DNAH14: variants seen among roughly 807,000 people sequenced by gnomAD.
DNAH14 encodes the protein dynein axonemal heavy chain 14, also known as axonemal beta dynein heavy chain 14.
Under a neutral mutation model 520.9 loss-of-function variants are expected in DNAH14, and 478 were observed. The ratio of observed to expected loss-of-function variants is 0.92; its 90% CI spans 0.85 to 0.99. DNAH14 has a LOEUF of 0.99. Ranked by LOEUF, DNAH14 falls within the 50% of genes least tolerant of loss-of-function variation. The pLI is 0.00. For synonymous variants in DNAH14, 1,581 were observed against 1,757.2 expected, an observed-to-expected ratio of 0.90 and a Z score of 2.51; for missense variants, 4,831 against 5,234.5, an observed-to-expected ratio of 0.92 and a Z score of 2.38.
chr1:225,294,916 G>T (rs2093974738), intron 55 of DNAH14, among the ~76,000 whole-genome samples: 1 of 151,754 alleles, frequency 6.6e-6, no homozygotes, highest in African/African-American at 2.4e-5. Flanking sequence ...GTTTTTGGGA[G>T]AGTTTTTATT....
chr1:225,042,685 ACATG>A (rs2067591469), intron 12 of DNAH14, 146 bp from the exon 13 acceptor site: 1 of 809,838 alleles, frequency 1.2e-6, no homozygotes, highest in Non-Finnish European at 1.9e-6. Context: ...ACTTATTTTA[ACATG>A]CAAGTGTCAG....
At chr1:225,138,178 T>G (rs2079124650) in intron 27 of DNAH14, among the ~76,000 whole-genome samples, 1 of 151,936 alleles carries the variant, frequency 6.6e-6, no homozygotes, top group Non-Finnish European at 1.5e-5. Context: ...AGAAGTAGTA[T>G]GTCAGGGCCC....
In DNAH14 at chr1:225,331,539, T is replaced by C. The variant is rs1381726479; in HGVS notation, c.9826T>C (p.Cys3276Arg). The change falls in exon 65 of 86, where the codon TGT becomes CGT. Residue 3276 changes from cysteine to arginine, a missense_variant. Cys to Arg is a radical substitution (Grantham distance 180). Transcript: ENST00000682510. ...AACAATGGCCAGCAGGCGCTTTCAG[T>C]GTGCGTCAGTCTTACTAACTGTCCT... Reference protein sequence around the residue: ...RKTMASRRFQCASVLLTVLED... With the variant: ...RKTMASRRFQRASVLLTVLED... The C allele has an allele frequency of 2.8e-5, 44 of 1,551,442 alleles. No individual in the cohort carries two copies. The highest frequency in any genetic ancestry group is 1.7e-4 in the Middle Eastern group (1 of 6,012).
chr1:225,108,556 A>T (rs2076263309), intron 23 of DNAH14, among the ~76,000 whole-genome samples: 1 of 152,056 alleles, frequency 6.6e-6, no homozygotes, highest in South Asian at 2.1e-4. Flanking sequence ...TTAAATTTTT[A>T]TTGCATTTTT....
At chr1:225,272,857 A>G in intron 51 of DNAH14, 98 bp from the exon 52 acceptor site, 1 of 1,181,672 alleles carries the variant, frequency 8.5e-7, no homozygotes, top group East Asian at 2.8e-5. Context: ...AATTGCTTCT[A>G]TTTTTATGGA....
chr1:225,204,538 G>A (rs1223380168), intron 39 of DNAH14, among the ~76,000 whole-genome samples: 1 of 152,066 alleles, frequency 6.6e-6, no homozygotes, highest in African/African-American at 2.4e-5. Context: ...GGATATTAAA[G>A]GTAGAAATAA....
Position 224,968,838 on chromosome 1 carries a change from A to G in DNAH14, c.731A>G (p.Tyr244Cys), listed in dbSNP as rs560679039. The G allele has an allele frequency of 1.9e-6, 3 of 1,544,880 alleles. No homozygotes were observed. Among genetic ancestry groups the G allele is most frequent in the South Asian group, 1.2e-5 (1 of 82,428 alleles). Residue 244 changes from tyrosine (Y) to cysteine (C), a missense_variant, in exon 7 of 86, where the codon TAT becomes TGT. Tyr to Cys is a radical substitution (Grantham distance 194, BLOSUM62 -2). Transcript: ENST00000682510. ...LEWLSERRHYYLLRQFKIFSD... is the reference protein window; with the variant it reads ...LEWLSERRHYCLLRQFKIFSD... ...TGGCTATCAGAAAGAAGACATTACTATTTATTACGGCAATTCAAGATATTT... is the reference window on the plus strand; with the variant it reads ...TGGCTATCAGAAAGAAGACATTACTGTTTATTACGGCAATTCAAGATATTT...
chr1:225,278,407 C>A (rs969214935), intron 54 of DNAH14, among the ~76,000 whole-genome samples: 12 of 152,134 alleles, frequency 7.9e-5, no homozygotes, highest in Admixed American at 7.9e-4. Flanking sequence ...CTGCATATTT[C>A]TCTGCATCTC....
At chr1:225,092,298 A>C (rs934867908) in intron 21 of DNAH14, among the ~76,000 whole-genome samples, 2 of 152,142 alleles carry the variant, frequency 1.3e-5, no homozygotes, top group Non-Finnish European at 2.9e-5. Context: ...AACAATTCTC[A>C]GCAAATTTAA....
intron 10 of DNAH14, among the ~76,000 whole-genome samples, chr1:225,013,164 T>TG (rs1369091357): frequency 2.6e-5 from 4 of 152,158 alleles, no homozygotes; most frequent in Non-Finnish European, 5.9e-5. Flanking sequence ...TCATTTTTTT[T>TG]TTGTTGATGT....
Position 225,152,683 on chromosome 1 carries a change from C to T in DNAH14, c.5010-14C>T. On this transcript the variant is annotated splice_polypyrimidine_tract_variant and intron_variant, in intron 32 of 85. Coordinates refer to ENST00000682510, the MANE Select transcript of DNAH14 (RefSeq NM_001367479.1). ...AGTGGTGTTTTTATTGTTTGTTTTT[C>T]TTTTCCTCTTCAGATACGGAGGTGG... 2 of 1,509,488 alleles carry T rather than the reference C, an allele frequency of 1.3e-6. No homozygotes were observed. Among genetic ancestry groups the T allele is most frequent in the African/African-American group, 2.8e-5 (2 of 70,536 alleles). 93.5% of individuals were successfully genotyped at this position (1,509,488 alleles called of 1,614,324 possible).
chr1:225,051,681 C>A lies in DNAH14; in HGVS notation c.2310C>A (p.Asn770Lys), dbSNP rs991703706. The change falls in exon 17 of 86, where the codon AAC becomes AAA. Residue 770 changes from asparagine to lysine, a missense_variant. Coordinates refer to ENST00000682510, the MANE Select transcript of DNAH14 (RefSeq NM_001367479.1). ...TTGAGAAGCGTATTGGTATTTTCAACGTTGTAAGTCTTGATTATCAATCAG... is the reference window on the plus strand; with the variant it reads ...TTGAGAAGCGTATTGGTATTTTCAAAGTTGTAAGTCTTGATTATCAATCAG... ...MAIEKRIGIF[N>K]VVSLDYQSEC... 5.8e-6 allele frequency: 9 copies of A among 1,550,746 alleles called. No individual in the cohort carries two copies. The highest frequency in any genetic ancestry group is 7.8e-6 in the Non-Finnish European group (9 of 1,146,580).
chr1:225,073,383 A>G (rs1261916483), intron 17 of DNAH14, among the ~76,000 whole-genome samples: 1 of 151,846 alleles, frequency 6.6e-6, no homozygotes, highest in Non-Finnish European at 1.5e-5. Context: ...TGTGTAGGCC[A>G]GAGAACACTG....
chr1:225,180,731 A>G (rs2083886083), intron 36 of DNAH14, among the ~76,000 whole-genome samples: 1 of 152,296 alleles, frequency 6.6e-6, no homozygotes, highest in African/African-American at 2.4e-5. Context: ...CAAATATTCA[A>G]ACTGTACCAC....
chr1:225,057,606 C>A (rs1354639004), intron 17 of DNAH14, among the ~76,000 whole-genome samples: 1 of 152,080 alleles, frequency 6.6e-6, no homozygotes, highest in Admixed American at 6.6e-5. Context: ...TGTCTTGTGC[C>A]AGTTTTCAAA....
At chr1:225,274,362 G>T (rs1424706129) in intron 52 of DNAH14, among the ~76,000 whole-genome samples, 2 of 151,632 alleles carry the variant, frequency 1.3e-5, no homozygotes, top group Non-Finnish European at 2.9e-5. Context: ...CCGCCACTGC[G>T]CCCGGCTAAT....
At chr1:225,221,004 A>G (rs1032676274) in intron 41 of DNAH14, among the ~76,000 whole-genome samples, 18 of 152,296 alleles carry the variant, frequency 1.2e-4, no homozygotes, top group African/African-American at 4.3e-4. Flanking sequence ...AACACCACAC[A>G]TCTACAACCA....
intron 35 of DNAH14, 102 bp from the exon 36 acceptor site, chr1:225,167,837 A>C (rs1399034987): frequency 3.4e-6 from 2 of 582,558 alleles, no homozygotes; most frequent in Non-Finnish European, 5.7e-6. Flanking sequence ...TACTATCTTA[A>C]AGAGCGGTAA....
At chr1:225,369,741 G>A (rs1368833635) in intron 77 of DNAH14, among the ~76,000 whole-genome samples, 2 of 152,090 alleles carry the variant, frequency 1.3e-5, no homozygotes, top group African/African-American at 2.4e-5. Flanking sequence ...ACTCAGTCAT[G>A]AGCATGGCCA....
Sources: allele counts gnomAD v4.1 joint callset (sites outside exome capture counted in the v4.1 genomes callset), GRCh38; gene constraint gnomAD v4.1.1; transcripts MANE v1.5; gene names NCBI Gene and HGNC (gene_info 2026-07-23, HGNC 2026-07-21).